Variants in MRGPRE observed in about 807,000 individuals in gnomAD.
MRGPRE encodes mas-related G protein-coupled receptor member E.
For synonymous variants in MRGPRE, 229 were observed against 206.7 expected, an observed-to-expected ratio of 1.11 and a Z score of -0.92; for missense variants, 466 against 433.4, an observed-to-expected ratio of 1.08 and a Z score of -0.67.
rs1484856740 is a variant in MRGPRE, at chr11:3,230,462, G to A, written c.-61-1602C>T. ...CGAGACCATGCAGGGGGACGCTGCG[G>A]TGCTGGGATGCTGGGGAGAGGTGGC... is the stretch of plus-strand genomic sequence containing the variant. On this transcript the variant is annotated intron_variant, in intron 1 of 1. Coordinates refer to ENST00000389832, the MANE Select transcript of MRGPRE (RefSeq NM_001039165.4). This position sits in a 1 kb window ranked among gnomAD's most constrained non-coding sequence, Gnocchi z 5.5. Among the ~76,000 whole-genome samples, 1 of 152,212 alleles carries A rather than the reference G, an allele frequency of 6.6e-6. No individual in the cohort carries two copies. Among genetic ancestry groups the A allele is most frequent in the South Asian group, 2.1e-4 (1 of 4,826 alleles).
rs1244722842 is a variant in MRGPRE at position 3,228,898 on chromosome 11, C to T, written c.-61-38G>A. ...ACAGTTGAGTCTGGGGCTCAGGAAT[C>T]CATGCCCCCTGCTCCTCCCCACATC... On this transcript the variant is annotated intron_variant, in intron 1 of 1. Coordinates refer to ENST00000389832, the MANE Select transcript of MRGPRE (RefSeq NM_001039165.4). The T allele has an allele frequency of 4.1e-6, 4 of 965,992 alleles. No homozygotes were observed. The Admixed American group carries it at 1.1e-4, about 27-fold the overall frequency. The allele number at this position is 965,992 out of a possible 1,614,324, so 59.8% of individuals were successfully genotyped here.
rs1205681494 is a variant in MRGPRE, at chr11:3,228,139, G to A, written c.661C>T (p.Leu221Phe). The change falls in exon 2 of 2, where the codon CTC becomes TTC. Residue 221 changes from leucine (L) to phenylalanine (F), a missense_variant. Physicochemically the swap from Leu to Phe is conservative, Grantham distance 22. Coordinates refer to ENST00000389832, the MANE Select transcript of MRGPRE (RefSeq NM_001039165.4). ...PPRGFPGLIL[L>F]TVLLFLFCGL... is the part of the protein sequence containing the mutation. ...CAGAAGAGGAAGAGGAGGACGGTGAGGAGGATGAGCCCAGGGAAGCCCCGG... is the reference window on the plus strand; with the variant it reads ...CAGAAGAGGAAGAGGAGGACGGTGAAGAGGATGAGCCCAGGGAAGCCCCGG... 1.9e-6 allele frequency: 3 copies of A among 1,583,928 alleles called. No homozygotes were observed. Among genetic ancestry groups the A allele is most frequent in the Non-Finnish European group, 2.6e-6 (3 of 1,165,658 alleles).
rs1847820754 is a variant in MRGPRE, at chr11:3,230,777, G to C, written c.-62+1364C>G. Among the ~76,000 whole-genome samples, 1 of 152,172 alleles carries C rather than the reference G, an allele frequency of 6.6e-6. No homozygotes were observed. The highest frequency in any genetic ancestry group is 1.5e-5 in the Non-Finnish European group (1 of 68,034). On this transcript the variant is annotated intron_variant, in intron 1 of 1. Coordinates refer to ENST00000389832, the MANE Select transcript of MRGPRE (RefSeq NM_001039165.4). The surrounding 1 kb of genome is among the most constrained non-coding windows in gnomAD (Gnocchi z 5.5). ...ATAGGGCTCTTCCTCCTGTCCCTGTGCTCCATCCTAGCACCCAAGGCCCCG... is the reference window on the plus strand; with the variant it reads ...ATAGGGCTCTTCCTCCTGTCCCTGTCCTCCATCCTAGCACCCAAGGCCCCG...
At position 3,231,737 on chromosome 11, in the gene MRGPRE, T is replaced by C. The variant is rs554499602; in HGVS notation, c.-62+404A>G. Among the ~76,000 whole-genome samples the C allele has an allele frequency of 5.8e-4, 88 of 151,692 alleles. No individual in the cohort carries two copies. Among genetic ancestry groups the C allele is most frequent in the African/African-American group, 2.0e-3 (83 of 41,408 alleles). On this transcript the variant is annotated intron_variant, in intron 1 of 1. Transcript: ENST00000389832. The surrounding 1 kb of genome is among the most constrained non-coding windows in gnomAD (Gnocchi z 4.7). ...CTCTGTGTCCCGCCCAGACAGCCAA[T>C]ACTGAGAAGCCCTGAGGCTGAGCAC... is the stretch of plus-strand genomic sequence containing the variant.
rs1334523381 is a variant in MRGPRE, at chr11:3,230,420, C to T, written c.-61-1560G>A. Among the ~76,000 whole-genome samples, 1 of 152,150 alleles carries T rather than the reference C, an allele frequency of 6.6e-6. No individual in the cohort carries two copies. Among genetic ancestry groups the T allele is most frequent in the Non-Finnish European group, 1.5e-5 (1 of 68,018 alleles). ...TGCTCAGAACCCCTGCTGTCTCCCT[C>T]CAGTGATAGGAGCACCCGAGACCAT... On this transcript the variant is annotated intron_variant, in intron 1 of 1. Transcript: ENST00000389832. The surrounding 1 kb of genome is among the most constrained non-coding windows in gnomAD (Gnocchi z 5.5).
rs971898311 is a variant in MRGPRE, at chr11:3,228,856, T to A, written c.-57A>T. On this transcript the variant is annotated 5_prime_UTR_variant, in exon 2 of 2. Coordinates refer to ENST00000389832, the MANE Select transcript of MRGPRE (RefSeq NM_001039165.4). ...GTGTTCTGCTCGCTCTCTCTCCTGA[T>A]GCCCCTGTAAACCACAACAGTTGAG... The A allele has an allele frequency of 2.1e-6, 3 of 1,405,346 alleles. No homozygotes were observed. The highest frequency in any genetic ancestry group is 2.2e-5 in the Admixed American group (1 of 46,404). The allele number at this position is 1,405,346 out of a possible 1,614,324, so 87.1% of individuals were successfully genotyped here.
Position 3,227,087 on chromosome 11 carries a change from G to T in MRGPRE, c.*774C>A, listed in dbSNP as rs1367344628. Reference sequence around the variant, plus strand: ...GGACAGAGGCGGGTGAACTGCCTTGGATGGGGCCGGTGTGAAGCTTTCTGG... The same window carrying T: ...GGACAGAGGCGGGTGAACTGCCTTGTATGGGGCCGGTGTGAAGCTTTCTGG... On this transcript the variant is annotated 3_prime_UTR_variant, in exon 2 of 2. Coordinates refer to ENST00000389832, the MANE Select transcript of MRGPRE (RefSeq NM_001039165.4). Among the ~76,000 whole-genome samples the T allele has an allele frequency of 6.6e-6, 1 of 152,216 alleles. No homozygotes were observed. The highest frequency in any genetic ancestry group is 2.4e-5 in the African/African-American group (1 of 41,458).
Position 3,230,382 on chromosome 11 carries a change from C to T in MRGPRE, c.-61-1522G>A, listed in dbSNP as rs1242059347. ...ATAGCTGGTCTTAGCGGCTTCTTCC[C>T]ACCTCAAGGTTGTGCTCAGAACCCC... is the stretch of plus-strand genomic sequence containing the variant. On this transcript the variant is annotated intron_variant, in intron 1 of 1. Transcript: ENST00000389832. This position sits in a 1 kb window ranked among gnomAD's most constrained non-coding sequence, Gnocchi z 5.5. Among the ~76,000 whole-genome samples, 1 of 152,108 alleles carries T rather than the reference C, an allele frequency of 6.6e-6. No homozygotes were observed. Among genetic ancestry groups the T allele is most frequent in the Non-Finnish European group, 1.5e-5 (1 of 68,000 alleles).
At position 3,228,383 on chromosome 11, in the gene MRGPRE, C is replaced by G. The variant is rs1261101470; in HGVS notation, c.417G>C (p.Leu139=). ...AWYSCRRPRH[L]TTCVCALTWA... ...AGGTGAGGGCGCACACACAGGTGGT[C>G]AGGTGGCGTGGGCGGCGGCACGAGT... is the stretch of plus-strand genomic sequence containing the variant. Residue 139 remains leucine (L), a synonymous_variant, in exon 2 of 2, where the codon CTG becomes CTC. Coordinates refer to ENST00000389832, the MANE Select transcript of MRGPRE (RefSeq NM_001039165.4). 1 of 1,593,468 alleles carries G rather than the reference C, an allele frequency of 6.3e-7. No homozygotes were observed. The highest frequency in any genetic ancestry group is 1.1e-5 in the South Asian group (1 of 89,302).
chr11:3,225,177 G>A lies in MRGPRE; in HGVS notation c.*2684C>T, dbSNP rs563363159. Among the ~76,000 whole-genome samples the A allele has an allele frequency of 3.9e-4, 60 of 152,360 alleles. No individual in the cohort carries two copies. The highest frequency in any genetic ancestry group is 1.1e-3 in the African/African-American group (46 of 41,586). On this transcript the variant is annotated 3_prime_UTR_variant, in exon 2 of 2. Transcript: ENST00000389832. ...TACCCGGGCGCTGGGGAGGGGATAG[G>A]GAAGCTGGCCGCAGGCCTGTCTCCG...
Position 3,227,156 on chromosome 11 carries a change from G to A in MRGPRE, c.*705C>T, listed in dbSNP as rs1847769726. ...CTGTGGGGAGACAGGGCTGCAGGCTGCTGGGTGGGGCTGTAAGAAGCCTCT... is the reference window on the plus strand; with the variant it reads ...CTGTGGGGAGACAGGGCTGCAGGCTACTGGGTGGGGCTGTAAGAAGCCTCT... On this transcript the variant is annotated 3_prime_UTR_variant, in exon 2 of 2. Transcript: ENST00000389832. 6.6e-6 allele frequency among the ~76,000 whole-genome samples: 1 copy of A among 152,112 alleles called. No homozygotes were observed. Among genetic ancestry groups the A allele is most frequent in the African/African-American group, 2.4e-5 (1 of 41,416 alleles).
rs546845628 is a variant in MRGPRE at position 3,229,318 on chromosome 11, C to A, written c.-61-458G>T. 2.7e-5 allele frequency among the ~76,000 whole-genome samples: 4 copies of A among 150,386 alleles called. No individual in the cohort carries two copies. Among genetic ancestry groups the A allele is most frequent in the African/African-American group, 9.8e-5 (4 of 40,748 alleles). ...TCGGCTCACTGCAACCTCTGCCTCCCGGGTTCAAGTGATTCTCCTGTCTCA... is the reference window on the plus strand; with the variant it reads ...TCGGCTCACTGCAACCTCTGCCTCCAGGGTTCAAGTGATTCTCCTGTCTCA... On this transcript the variant is annotated intron_variant, in intron 1 of 1. Transcript: ENST00000389832. The surrounding 1 kb of genome is among the most constrained non-coding windows in gnomAD (Gnocchi z 4.4).
In MRGPRE at chr11:3,226,780, G is replaced by C. The variant is rs1200276088; in HGVS notation, c.*1081C>G. Among the ~76,000 whole-genome samples the C allele has an allele frequency of 6.6e-6, 1 of 152,196 alleles. No homozygotes were observed. Among genetic ancestry groups the C allele is most frequent in the South Asian group, 2.1e-4 (1 of 4,830 alleles). ...AGTAGAATCGACAGACATTTCTCTT[G>C]GGCTCACGAGAGGCTGGACAGGCCT... On this transcript the variant is annotated 3_prime_UTR_variant, in exon 2 of 2. Coordinates refer to ENST00000389832, the MANE Select transcript of MRGPRE (RefSeq NM_001039165.4).
Position 3,227,837 on chromosome 11 carries a change from A to G in MRGPRE, c.*24T>C. 4 of 1,427,128 alleles carry G rather than the reference A, an allele frequency of 2.8e-6. No individual in the cohort carries two copies. The highest frequency in any genetic ancestry group is 3.7e-6 in the Non-Finnish European group (4 of 1,089,434). The allele number at this position is 1,427,128 out of a possible 1,614,324, so 88.4% of individuals were successfully genotyped here. A position where few individuals can be genotyped will look rare whatever the true frequency, so the allele number is the denominator to read the frequency against. On this transcript the variant is annotated 3_prime_UTR_variant, in exon 2 of 2. Transcript: ENST00000389832. ...CACCCTCTTGCCTCACGGGGGCTGCAGCTGGGGTCGGGGGCCCCAGGGCTC... is the reference window on the plus strand; with the variant it reads ...CACCCTCTTGCCTCACGGGGGCTGCGGCTGGGGTCGGGGGCCCCAGGGCTC...
rs1847829094 is a variant in MRGPRE at position 3,231,475 on chromosome 11, G to T, written c.-62+666C>A. 6.6e-6 allele frequency among the ~76,000 whole-genome samples: 1 copy of T among 151,958 alleles called. No individual in the cohort carries two copies. The highest frequency in any genetic ancestry group is 1.5e-5 in the Non-Finnish European group (1 of 67,986). ...GAGGGAGGCAGAGCTCTGTAGGAAG[G>T]GTCGCCACAGTTGGGTTACAGGACT... On this transcript the variant is annotated intron_variant, in intron 1 of 1. Transcript: ENST00000389832. The surrounding 1 kb of genome is among the most constrained non-coding windows in gnomAD (Gnocchi z 4.7).
Position 3,231,832 on chromosome 11 carries a change from G to T in MRGPRE, c.-62+309C>A, listed in dbSNP as rs1406467337. 6.6e-6 allele frequency among the ~76,000 whole-genome samples: 1 copy of T among 151,868 alleles called. No individual in the cohort carries two copies. The highest frequency in any genetic ancestry group is 1.5e-5 in the Non-Finnish European group (1 of 67,936). ...TGACTCCCCTTGAGAGTCTGCACCT[G>T]CAGGGAACACTCTAGATCATGGAGG... On this transcript the variant is annotated intron_variant, in intron 1 of 1. Transcript: ENST00000389832. The surrounding 1 kb of genome is among the most constrained non-coding windows in gnomAD (Gnocchi z 4.7).
At position 3,228,498 on chromosome 11, in the gene MRGPRE, G is replaced by A. The variant is rs372934659; in HGVS notation, c.302C>T (p.Thr101Met). 49 of 1,613,570 alleles carry A rather than the reference G, an allele frequency of 3.0e-5. No homozygotes were observed. Among genetic ancestry groups the A allele is most frequent in the Middle Eastern group, 3.3e-4 (2 of 6,084 alleles). ...CACGATGTAGCAGAAGAAGCGCAGC[G>A]TTGCCAGGCTGGTCTGCACGAAGCC... is the stretch of plus-strand genomic sequence containing the variant. ...FPGFVQTSLA[T>M]LRFFCYIVGL... The change falls in exon 2 of 2, where the codon ACG (threonine) becomes ATG (methionine). Residue 101 changes from threonine (T) to methionine (M), a missense_variant. Transcript: ENST00000389832.
In MRGPRE at chr11:3,227,962, G is replaced by T; in HGVS notation, c.838C>A (p.Leu280Met). ...CGCTGGAGGACCAGCCGGAGGGGCAGCCTGCGGCCCTGGGCACTGCCCAGG... is the reference window on the plus strand; with the variant it reads ...CGCTGGAGGACCAGCCGGAGGGGCATCCTGCGGCCCTGGGCACTGCCCAGG... ...FCLGSAQGRR[L>M]PLRLVLQRAL... is the part of the protein sequence containing the mutation. The change falls in exon 2 of 2, where the codon CTG becomes ATG. Residue 280 changes from leucine to methionine, a missense_variant. Physicochemically the swap from Leu to Met is conservative, Grantham distance 15. Coordinates refer to ENST00000389832, the MANE Select transcript of MRGPRE (RefSeq NM_001039165.4). 2.5e-6 allele frequency: 4 copies of T among 1,573,296 alleles called. No individual in the cohort carries two copies. The highest frequency in any genetic ancestry group is 2.6e-6 in the Non-Finnish European group (3 of 1,157,034).
rs202146834 is a variant in MRGPRE at position 3,230,025 on chromosome 11, A to C, written c.-61-1165T>G. ...CCCAGGGGACCTAGGCTGGAATCGG[A>C]GTCTTCATCACAGCTTTGCCAGAAA... is the stretch of plus-strand genomic sequence containing the variant. On this transcript the variant is annotated intron_variant, in intron 1 of 1. Coordinates refer to ENST00000389832, the MANE Select transcript of MRGPRE (RefSeq NM_001039165.4). The surrounding 1 kb of genome is among the most constrained non-coding windows in gnomAD (Gnocchi z 5.5). 2.0e-4 allele frequency among the ~76,000 whole-genome samples: 31 copies of C among 152,204 alleles called. No individual in the cohort carries two copies. The East Asian group carries it at 3.3e-3, about 16-fold the overall frequency.
Sources: allele counts gnomAD v4.1 joint callset (sites outside exome capture counted in the v4.1 genomes callset), GRCh38; gene constraint gnomAD v4.1.1; non-coding constraint Gnocchi (gnomAD v3.1); transcripts MANE v1.5; gene names NCBI Gene and HGNC (gene_info 2026-07-23, HGNC 2026-07-21).